Variants in SIAH1 observed in about 807,000 individuals in gnomAD.
SIAH1 encodes the protein siah E3 ubiquitin protein ligase 1.
In SIAH1, 2 loss-of-function variants were observed where a neutral mutation model predicts 20.0. The observed-to-expected ratio is 0.10, with a 90% CI of 0.04 to 0.31. SIAH1 has a LOEUF of 0.31. Ranked by LOEUF, SIAH1 falls within the 10% of genes least tolerant of loss-of-function variation. SIAH1 has a pLI of 1.00. For missense variants in SIAH1, 119 were observed against 355.3 expected (o/e 0.33, Z 5.35); for synonymous variants, 118 against 125.3 (o/e 0.94, Z 0.39).
rs771707843 is a variant in SIAH1, at chr16:48,361,563, A to T, written c.*17T>A. The T allele has an allele frequency of 1.2e-6, 2 of 1,608,452 alleles. No individual in the cohort carries two copies. The highest frequency in any genetic ancestry group is 1.3e-5 in the African/African-American group (1 of 74,896). On this transcript the variant is annotated 3_prime_UTR_variant, in exon 2 of 2. Transcript: ENST00000394725. Reference sequence around the variant, plus strand: ...CTGAAGTTTTAAACACTGGCCAGAAAATGTTTGATTGCCATTTCAACACAT... The same window carrying T: ...CTGAAGTTTTAAACACTGGCCAGAATATGTTTGATTGCCATTTCAACACAT...
At chr16:48,374,046 C>T (rs1285319669) in intron 1 of SIAH1, among the ~76,000 whole-genome samples, 1 of 152,214 alleles carries the variant, frequency 6.6e-6, no homozygotes, top group Non-Finnish European at 1.5e-5. Flanking sequence ...GTAAGCGGCA[C>T]CCTGCCCACT....
chr16:48,370,368 G>C (rs1960952127), intron 1 of SIAH1, among the ~76,000 whole-genome samples: 1 of 151,990 alleles, frequency 6.6e-6, no homozygotes, highest in South Asian at 2.1e-4. Context: ...ACGGGTTCCA[G>C]AGTCAGCAAG....
rs561668008 is a variant in SIAH1 at position 48,382,636 on chromosome 16, C to A, written c.-3+2568G>T. ...TAAAAAGGAAAATTTCCTTTTTTGG[C>A]GGGGGGATGGAAGGTTCTGGGGATT... On this transcript the variant is annotated intron_variant, in intron 1 of 1. Transcript: ENST00000394725. Among the ~76,000 whole-genome samples, 59 of 151,830 alleles carry A rather than the reference C, an allele frequency of 3.9e-4. 1 individual carries two copies. Among genetic ancestry groups the A allele is most frequent in the Non-Finnish European group, 1.5e-5 (1 of 67,930 alleles).
intron 1 of SIAH1, chr16:48,363,269 G>C (rs1330006745): frequency 6.0e-6 from 1 of 166,990 alleles, no homozygotes; most frequent in African/African-American, 2.4e-5. Context: ...ATGAGGGGAA[G>C]GGTCACAAGG....
chr16:48,365,659 A>G, intron 1 of SIAH1: 2 of 1,432,908 alleles, frequency 1.4e-6, no homozygotes, highest in Admixed American at 2.8e-5. Context: ...CATCCCCAGG[A>G]GGCAACCACA....
intron 1 of SIAH1, chr16:48,365,735 A>C: frequency 1.4e-6 from 2 of 1,405,344 alleles, no homozygotes; most frequent in Non-Finnish European, 1.8e-6. Flanking sequence ...CTGTCCTCCA[A>C]TGTGCCCTAA....
At chr16:48,375,072 C>G (rs1961073656) in intron 1 of SIAH1, among the ~76,000 whole-genome samples, 1 of 152,166 alleles carries the variant, frequency 6.6e-6, no homozygotes, top group South Asian at 2.1e-4. Flanking sequence ...ATTACTTGAA[C>G]CCGGGCACGG....
Position 48,362,528 on chromosome 16 carries a change from T to C in SIAH1, c.-2-98A>G. 1 of 1,230,446 alleles carries C rather than the reference T, an allele frequency of 8.1e-7. No individual in the cohort carries two copies. The highest frequency in any genetic ancestry group is 2.5e-5 in the East Asian group (1 of 40,654). The allele number at this position is 1,230,446 out of a possible 1,614,324, so 76.2% of individuals were successfully genotyped here. A position where few individuals can be genotyped will look rare whatever the true frequency, so the allele number is the denominator to read the frequency against. ...TGCCATAAGTCCTTTTAAAGTTTCA[T>C]ACAAAATTTACTGAGCAAAAGAGGA... On this transcript the variant is annotated intron_variant, in intron 1 of 1. Coordinates refer to ENST00000394725, the MANE Select transcript of SIAH1 (RefSeq NM_003031.4). This position sits in a 1 kb window ranked among gnomAD's most constrained non-coding sequence, Gnocchi z 4.2.
At chr16:48,372,701 T>C (rs2151050839) in intron 1 of SIAH1, among the ~76,000 whole-genome samples, 1 of 152,238 alleles carries the variant, frequency 6.6e-6, no homozygotes, top group East Asian at 1.9e-4. Context: ...AGTGAAAAAA[T>C]TAAGATTTCA....
chr16:48,361,525 A>G lies in SIAH1; in HGVS notation c.*55T>C. ...AGGTTGGCAGACAGATGGGTGCCTT[A>G]TTTTCTGTGAAACTGAAGTTTTAAA... On this transcript the variant is annotated 3_prime_UTR_variant, in exon 2 of 2. Coordinates refer to ENST00000394725, the MANE Select transcript of SIAH1 (RefSeq NM_003031.4). The G allele has an allele frequency of 6.3e-6, 10 of 1,582,988 alleles. No individual in the cohort carries two copies. Among genetic ancestry groups the G allele is most frequent in the Non-Finnish European group, 8.6e-6 (10 of 1,161,800 alleles).
chr16:48,384,120 G>A lies in SIAH1; in HGVS notation c.-3+1084C>T, dbSNP rs143213737. On this transcript the variant is annotated intron_variant, in intron 1 of 1. Transcript: ENST00000394725. Reference sequence around the variant, plus strand: ...AGCAGACAGTCGGACTTCACAGCCCGTGCTCTCAACATCCAACTGCTGAAG... The same window carrying A: ...AGCAGACAGTCGGACTTCACAGCCCATGCTCTCAACATCCAACTGCTGAAG... 1.5e-4 allele frequency among the ~76,000 whole-genome samples: 23 copies of A among 152,286 alleles called. No homozygotes were observed. In the East Asian group the frequency reaches 3.3e-3, roughly 22 times the overall value.
intron 1 of SIAH1, chr16:48,365,017 T>C (rs554055157): frequency 5.1e-5 from 10 of 194,258 alleles, no homozygotes; most frequent in Admixed American, 4.3e-4. Flanking sequence ...ACATTTTAAC[T>C]CCTATTCAAA....
chr16:48,365,247 A>C, intron 1 of SIAH1: 1 of 828,146 alleles, frequency 1.2e-6, no homozygotes, highest in Non-Finnish European at 1.9e-6. Context: ...AAAAAAGAAC[A>C]GCAGCCCAAA....
intron 1 of SIAH1, among the ~76,000 whole-genome samples, chr16:48,369,655 T>A (rs1960933037): frequency 6.6e-6 from 1 of 152,180 alleles, no homozygotes; most frequent in South Asian, 2.1e-4. Context: ...GGTGGGAGGC[T>A]CATCTGAGCC....
intron 1 of SIAH1, among the ~76,000 whole-genome samples, chr16:48,364,160 T>G (rs1316244782): frequency 6.6e-6 from 1 of 151,910 alleles, no homozygotes; most frequent in African/African-American, 2.4e-5. Context: ...ATGGCTGGTC[T>G]CGAACTCCTG....
chr16:48,368,199 G>C (rs1421629668), intron 1 of SIAH1, among the ~76,000 whole-genome samples: 1 of 152,172 alleles, frequency 6.6e-6, no homozygotes, highest in Non-Finnish European at 1.5e-5. Context: ...AGACGTGAGG[G>C]ACGGGGTGAG....
chr16:48,368,630 G>A (rs554909644), intron 1 of SIAH1, among the ~76,000 whole-genome samples: 37 of 152,062 alleles, frequency 2.4e-4, no homozygotes, highest in South Asian at 6.2e-4. Flanking sequence ...CCTGGGAGGC[G>A]GAGGCTGCAG....
rs1349674860 is a variant in SIAH1, at chr16:48,385,268, G to A, written c.-67C>T. ...CCAACGCGCTCCGTCGCCAACCCCCGCCACCGCGGGCAGCGCCACCGCCTC... is the reference window on the plus strand; with the variant it reads ...CCAACGCGCTCCGTCGCCAACCCCCACCACCGCGGGCAGCGCCACCGCCTC... On this transcript the variant is annotated 5_prime_UTR_variant, in exon 1 of 2. Coordinates refer to ENST00000394725, the MANE Select transcript of SIAH1 (RefSeq NM_003031.4). 3.2e-6 allele frequency: 1 copy of A among 314,898 alleles called. No homozygotes were observed. The highest frequency in any genetic ancestry group is 2.2e-5 in the South Asian group (1 of 45,848). The allele number at this position is 314,898 out of a possible 1,614,324, so 19.5% of individuals were successfully genotyped here.
In SIAH1 at chr16:48,370,985, G is replaced by A. The variant is rs1179470253; in HGVS notation, c.-2-8555C>T. Among the ~76,000 whole-genome samples the A allele has an allele frequency of 3.3e-5, 5 of 152,088 alleles. No individual in the cohort carries two copies. The East Asian group carries it at 7.7e-4, about 24-fold the overall frequency. ...AAAAATTAGCTGGGTGTGGTGGCAG[G>A]TGCCTGTAATCCCAGCTACTACGGA... is the stretch of plus-strand genomic sequence containing the variant. On this transcript the variant is annotated intron_variant, in intron 1 of 1. Transcript: ENST00000394725.
Sources: gnomAD v4.1 joint callset for allele counts (sites outside exome capture counted in the v4.1 genomes callset) on GRCh38, gnomAD v4.1.1 for gene constraint, Gnocchi (gnomAD v3.1) non-coding constraint, MANE v1.5 for transcripts, NCBI Gene and HGNC (gene_info 2026-07-23, HGNC 2026-07-21) for gene names.